The following TP53BP1 variants were observed in gnomAD, a reference collection of about 807,000 sequenced individuals.
TP53BP1 encodes the protein TP53-binding protein 1.
Under a neutral mutation model 200.8 loss-of-function variants are expected in TP53BP1, and 61 were observed. The observed-to-expected ratio is 0.30, with a 90% CI of 0.25 to 0.38. TP53BP1 has a LOEUF of 0.38. Ranked by LOEUF, TP53BP1 falls within the 10% of genes least tolerant of loss-of-function variation. The probability of loss-of-function intolerance (pLI) is 1.00; values close to 1 mark genes in which losing one functional copy is unlikely to be tolerated. For synonymous variants in TP53BP1, 822 were observed against 844.3 expected, an observed-to-expected ratio of 0.97 and a Z score of 0.46; for missense variants, 2,144 against 2,371.9, an observed-to-expected ratio of 0.90 and a Z score of 2.00.
chr15:43,408,135 A>G, intron 26 of TP53BP1, 47 bp from the exon 27 acceptor site: 1 of 1,586,062 alleles, frequency 6.3e-7, no homozygotes, highest in Non-Finnish European at 8.6e-7. Context: ...GTAATATCCA[A>G]CAAACTGCCT....
Position 43,477,718 on chromosome 15 carries a change from G to A in TP53BP1, c.830C>T (p.Ala277Val). The change falls in exon 8 of 28, where the codon GCT (alanine) becomes GTT (valine). Residue 277 changes from alanine to valine, a missense_variant. Around this residue, in one of 4 missense-constraint regions of TP53BP1, gnomAD observed 1,700 missense variants for 1,710.3 expected, o/e 0.99. Coordinates refer to ENST00000382044, the MANE Select transcript of TP53BP1 (RefSeq NM_001141980.3). ...MPFSPKASVA[A>V]MEAKEQLSAQ... ...AGACAACTGTTCTTTTGCTTCCATA[G>A]CAGCAACAGATGCTTTGGGGCTAAA... 1 of 1,612,246 alleles carries A rather than the reference G, an allele frequency of 6.2e-7. No individual in the cohort carries two copies. The highest frequency in any genetic ancestry group is 8.5e-7 in the Non-Finnish European group (1 of 1,179,320).
Position 43,436,671 on chromosome 15 carries a change from T to C in TP53BP1, c.3191+1653A>G, listed in dbSNP as rs1220197180. ...TTTTTCTTTTTTTTCTTGGTAGAAA[T>C]AGGGTCTCACTATGTCACCCAGGCT... On this transcript the variant is annotated intron_variant, in intron 16 of 27. Transcript: ENST00000382044. Among the ~76,000 whole-genome samples, 59 of 148,126 alleles carry C rather than the reference T, an allele frequency of 4.0e-4. No individual in the cohort carries two copies. In the Admixed American group the frequency reaches 4.0e-3, roughly 10 times the overall value.
At chr15:43,477,079 T>G (rs966335120) in intron 8 of TP53BP1, among the ~76,000 whole-genome samples, 4 of 152,066 alleles carry the variant, frequency 2.6e-5, no homozygotes, top group Middle Eastern at 3.2e-3. Flanking sequence ...GGCAGGCGGA[T>G]CACAAGGTCA....
chr15:43,408,097 G>GAGAC lies in TP53BP1; in HGVS notation c.5601-13_5601-10dup. On this transcript the variant is annotated splice_polypyrimidine_tract_variant and intron_variant, in intron 26 of 27. Coordinates refer to ENST00000382044, the MANE Select transcript of TP53BP1 (RefSeq NM_001141980.3). Reference sequence around the variant, plus strand: ...GATTTTCACGGGGTTGCCTATGAAGGAGACAGGAAAGGACCTTAGCATGAC... The same window carrying GAGAC: ...GATTTTCACGGGGTTGCCTATGAAGGAGACAGACAGGAAAGGACCTTAGCATGAC... The GAGAC allele has an allele frequency of 4.3e-6, 7 of 1,613,418 alleles. No homozygotes were observed. Among genetic ancestry groups the GAGAC allele is most frequent in the Middle Eastern group, 1.6e-4 (1 of 6,062 alleles).
intron 23 of TP53BP1, among the ~76,000 whole-genome samples, chr15:43,414,306 T>C (rs1268663032): frequency 6.6e-6 from 1 of 152,194 alleles, no homozygotes; most frequent in Non-Finnish European, 1.5e-5. Context: ...CTATACTTCA[T>C]AAGGATTGTA....
intron 4 of TP53BP1, among the ~76,000 whole-genome samples, chr15:43,484,756 G>GTTTT (rs397951213): frequency 1.4e-5 from 2 of 144,994 alleles, no homozygotes; most frequent in African/African-American, 5.0e-5. Flanking sequence ...CTTGTTTTTT[G>GTTTT]TTTTTTTTTT....
At chr15:43,462,638 A>AT (rs913413930) in intron 11 of TP53BP1, among the ~76,000 whole-genome samples, 4 of 152,082 alleles carry the variant, frequency 2.6e-5, no homozygotes, top group African/African-American at 9.7e-5. Flanking sequence ...AGACATATGT[A>AT]TTTTTTCCCT....
chr15:43,410,611 T>C (rs1021738280), intron 24 of TP53BP1, among the ~76,000 whole-genome samples: 4 of 152,122 alleles, frequency 2.6e-5, no homozygotes, highest in Admixed American at 6.6e-5. Context: ...ATTAGGAGTT[T>C]TGGGAAATTA....
At chr15:43,506,491 T>C (rs1224797693) in intron 1 of TP53BP1, among the ~76,000 whole-genome samples, 2 of 152,222 alleles carry the variant, frequency 1.3e-5, no homozygotes, top group East Asian at 3.8e-4. Context: ...GGAAACAGCC[T>C]ATAATAGTGC....
At chr15:43,468,747 AT>A (rs2046649949) in intron 11 of TP53BP1, among the ~76,000 whole-genome samples, 2 of 152,230 alleles carry the variant, frequency 1.3e-5, no homozygotes, top group Non-Finnish European at 2.9e-5. Context: ...CAGTATCAAT[AT>A]CCCCATCATT....
rs377275791 is a variant in TP53BP1, at chr15:43,435,267, CA to C, written c.3192-2591del. ...TGACACACAGACCAAGACCCCATCT[CA>C]AAAAAAAAAAAAAAAAAAAAAAAAT... is the stretch of plus-strand genomic sequence containing the variant. On this transcript the variant is annotated intron_variant, in intron 16 of 27. Transcript: ENST00000382044. Among the ~76,000 whole-genome samples, 347 of 55,660 alleles carry C rather than the reference CA, an allele frequency of 6.2e-3. 3 individuals carry two copies. The highest frequency in any genetic ancestry group is 6.4e-3 in the Non-Finnish European group (217 of 33,928). 36.5% of individuals were successfully genotyped at this position (55,660 alleles called of 152,430 possible). A position where few individuals can be genotyped will look rare whatever the true frequency, so the allele number is the denominator to read the frequency against.
chr15:43,489,160 G>A (rs1202165107), intron 4 of TP53BP1, among the ~76,000 whole-genome samples: 2 of 152,076 alleles, frequency 1.3e-5, no homozygotes, highest in Admixed American at 6.5e-5. Flanking sequence ...TCTCCTCTTT[G>A]CAATGATCAC....
chr15:43,473,253 C>G (rs1367075820), intron 10 of TP53BP1, among the ~76,000 whole-genome samples: 1 of 152,080 alleles, frequency 6.6e-6, no homozygotes, highest in African/African-American at 2.4e-5. Flanking sequence ...GAAGGGGACC[C>G]GAGCGGGTTG....
intron 4 of TP53BP1, among the ~76,000 whole-genome samples, chr15:43,489,064 T>C (rs906535662): frequency 6.6e-6 from 1 of 152,328 alleles, no homozygotes; most frequent in African/African-American, 2.4e-5. Flanking sequence ...CCTTCAACTA[T>C]GCCTAACAAA....
chr15:43,433,667 A>C (rs1000395762), intron 16 of TP53BP1, among the ~76,000 whole-genome samples: 12 of 152,240 alleles, frequency 7.9e-5, no homozygotes, highest in Admixed American at 5.9e-4. Flanking sequence ...CAATAGCCAG[A>C]ATAAAAATAA....
rs1483070281 is a variant in TP53BP1, at chr15:43,421,870, C to T, written c.4085G>A (p.Gly1362Asp). 6.2e-7 allele frequency: 1 copy of T among 1,614,196 alleles called. No homozygotes were observed. Among genetic ancestry groups the T allele is most frequent in the South Asian group, 1.1e-5 (1 of 91,082 alleles). The change falls in exon 19 of 28, where the codon GGC (glycine) becomes GAC (aspartate). Residue 1362 changes from glycine to aspartate, a missense_variant. Transcript: ENST00000382044. ...CTGTCTGCACCTCAGTTTTCCTGGG[C>T]CTCCTCGGGAGCTGGGTAAGGCAAA... ...ADFALPSSRG[G>D]PGKLSPRKGV...
chr15:43,504,814 G>A (rs1460593323), intron 1 of TP53BP1, among the ~76,000 whole-genome samples: 1 of 152,124 alleles, frequency 6.6e-6, no homozygotes, highest in African/African-American at 2.4e-5. Flanking sequence ...GAGGTCAGGA[G>A]TTCAAGACCA....
intron 15 of TP53BP1, among the ~76,000 whole-genome samples, chr15:43,440,043 G>A (rs2045889593): frequency 6.6e-6 from 1 of 152,180 alleles, no homozygotes; most frequent in Non-Finnish European, 1.5e-5. Flanking sequence ...ACATAGCTAA[G>A]AACAGATCAA....
At chr15:43,468,841 T>C (rs1018367991) in intron 11 of TP53BP1, among the ~76,000 whole-genome samples, 1 of 152,230 alleles carries the variant, frequency 6.6e-6, no homozygotes, top group Non-Finnish European at 1.5e-5. Flanking sequence ...CAGGAAGTTC[T>C]GACTCTAGAG....
Sources: allele counts gnomAD v4.1 joint callset (sites outside exome capture counted in the v4.1 genomes callset), GRCh38; gene constraint gnomAD v4.1.1; regional missense constraint gnomAD v4.1.1; transcripts MANE v1.5; gene names NCBI Gene and HGNC (gene_info 2026-07-23, HGNC 2026-07-21).